The following ERC2 variants were observed in gnomAD, a reference collection of about 807,000 sequenced individuals.
The protein encoded by ERC2 is ERC protein 2.
Under a neutral mutation model 114.8 loss-of-function variants are expected in ERC2, and 42 were observed. That is an observed-to-expected ratio of 0.37 (90% CI 0.29 to 0.47). The LOEUF (loss-of-function observed/expected upper bound fraction) is 0.47, where lower values mean the gene tolerates loss of function less well. ERC2 is among the 20% of genes least tolerant of loss of function. The pLI is 0.99. For synonymous variants in ERC2, 454 were observed against 425.5 expected (o/e 1.07, Z -0.82); for missense variants, 939 against 1,150.7 (o/e 0.82, Z 2.66).
chr3:55,919,570 C>T (rs181945116), intron 13 of ERC2, among the ~76,000 whole-genome samples: 169 of 152,110 alleles, frequency 1.1e-3, no homozygotes, highest in African/African-American at 3.9e-3. Flanking sequence ...TGGAATACAC[C>T]CCCACAACCT....
chr3:55,844,754 T>TA (rs2061279119), intron 14 of ERC2, among the ~76,000 whole-genome samples: 1 of 152,152 alleles, frequency 6.6e-6, no homozygotes, highest in Non-Finnish European at 1.5e-5. Context: ...AACACCAAAA[T>TA]AAAAGTGTGA....
chr3:55,757,648 A>G (rs1392024604), intron 14 of ERC2, among the ~76,000 whole-genome samples: 1 of 152,170 alleles, frequency 6.6e-6, no homozygotes, highest in African/African-American at 2.4e-5. Flanking sequence ...TAAAGAGCTT[A>G]ACACAGTGCT....
intron 7 of ERC2, among the ~76,000 whole-genome samples, chr3:56,068,509 GA>G: frequency 6.6e-6 from 1 of 151,920 alleles, no homozygotes; most frequent in South Asian, 2.1e-4. Flanking sequence ...CTGGATTCAT[GA>G]TTTTTTTGAA....
chr3:56,297,278 G>A (rs1229651737), intron 2 of ERC2, among the ~76,000 whole-genome samples: 2 of 151,938 alleles, frequency 1.3e-5, no homozygotes, highest in African/African-American at 4.8e-5. Flanking sequence ...TAAGCTACAT[G>A]GAGTTTATAG....
intron 7 of ERC2, among the ~76,000 whole-genome samples, chr3:56,054,253 C>T (rs2149691805): frequency 6.6e-6 from 1 of 152,266 alleles, no homozygotes; most frequent in South Asian, 2.1e-4. Context: ...GGACTGTGCC[C>T]ACACATGGGC....
Position 56,017,884 on chromosome 3 carries a change from A to T in ERC2, c.1779+1010T>A, listed in dbSNP as rs532091013. Among the ~76,000 whole-genome samples the T allele has an allele frequency of 3.3e-5, 5 of 152,194 alleles. No homozygotes were observed. In the South Asian group the frequency reaches 1.0e-3, roughly 32 times the overall value. On this transcript the variant is annotated intron_variant, in intron 8 of 17. Coordinates refer to ENST00000288221, the MANE Select transcript of ERC2 (RefSeq NM_015576.3). The stretch of plus-strand genomic sequence containing the variant: ...CTGTCACATGGTGGGGGCTCACTCC[A>T]CCAGTATCCAGTACTGAGTGAGCAT...
intron 12 of ERC2, among the ~76,000 whole-genome samples, chr3:55,968,704 G>A (rs562623240): frequency 8.5e-5 from 13 of 152,134 alleles, no homozygotes; most frequent in Admixed American, 4.6e-4. Flanking sequence ...CTCTATTTCC[G>A]CCCTTTGATA....
At chr3:56,120,912 C>T (rs1422797528) in intron 6 of ERC2, among the ~76,000 whole-genome samples, 1 of 152,106 alleles carries the variant, frequency 6.6e-6, no homozygotes, top group Non-Finnish European at 1.5e-5. Flanking sequence ...ATTTAATAAT[C>T]AGAATATGTT....
intron 3 of ERC2, among the ~76,000 whole-genome samples, chr3:56,185,910 T>A (rs2083572464): frequency 1.3e-5 from 2 of 151,352 alleles, no homozygotes; most frequent in Admixed American, 1.3e-4. Context: ...AGATTCTCAG[T>A]GTGAGAAGGA....
intron 14 of ERC2, among the ~76,000 whole-genome samples, chr3:55,772,028 G>A (rs547225810): frequency 1.1e-4 from 16 of 152,258 alleles, no homozygotes; most frequent in East Asian, 3.9e-4. Context: ...GGGCCTCTCC[G>A]CCCATCAGGA....
At chr3:55,906,447 A>AAG (rs2064453457) in intron 13 of ERC2, among the ~76,000 whole-genome samples, 1 of 150,294 alleles carries the variant, frequency 6.7e-6, no homozygotes, top group East Asian at 2.0e-4. Flanking sequence ...AAAAAAAAAA[A>AAG]AAAAAAGTAG....
At chr3:56,437,959 G>C (rs1275169845) in intron 1 of ERC2, among the ~76,000 whole-genome samples, 1 of 152,180 alleles carries the variant, frequency 6.6e-6, no homozygotes, top group Non-Finnish European at 1.5e-5. Context: ...AAGAAGGCTG[G>C]AATGACACAC....
chr3:56,244,559 C>T lies in ERC2; in HGVS notation c.1074+51460G>A, dbSNP rs2051550299. ...CAACAGTGATGTTGATGATCCTGATCATGTGCAGGCCTGGACTAATGTGTG... is the reference window on the plus strand; with the variant it reads ...CAACAGTGATGTTGATGATCCTGATTATGTGCAGGCCTGGACTAATGTGTG... On this transcript the variant is annotated intron_variant, in intron 3 of 17. Transcript: ENST00000288221. Among the ~76,000 whole-genome samples the T allele has an allele frequency of 2.0e-5, 3 of 151,890 alleles. No individual in the cohort carries two copies. The South Asian group carries it at 6.2e-4, about 32-fold the overall frequency.
At chr3:55,957,664 G>A (rs2068053783) in intron 12 of ERC2, among the ~76,000 whole-genome samples, 1 of 152,214 alleles carries the variant, frequency 6.6e-6, no homozygotes, top group Non-Finnish European at 1.5e-5. Context: ...GGAGTGATGA[G>A]GGGTGTGTGA....
intron 13 of ERC2, among the ~76,000 whole-genome samples, chr3:55,919,571 C>T (rs1044536376): frequency 6.6e-6 from 1 of 152,084 alleles, no homozygotes; most frequent in African/African-American, 2.4e-5. Context: ...GGAATACACC[C>T]CCACAACCTC....
At chr3:55,675,903 C>CTTTTTTT (rs869296098) in intron 17 of ERC2, among the ~76,000 whole-genome samples, 681 of 47,878 alleles carry the variant, frequency 0.014, 108 homozygotes, top group Non-Finnish European at 0.017. Flanking sequence ...TCTTTTCTTT[C>CTTTTTTT]TTTTTTTTTT....
intron 14 of ERC2, among the ~76,000 whole-genome samples, chr3:55,761,411 T>G (rs967020000): frequency 4.8e-5 from 7 of 147,110 alleles, no homozygotes; most frequent in African/African-American, 7.6e-5. Flanking sequence ...GTTTATCTGG[T>G]TTTTTTTTTT....
chr3:55,906,716 C>T (rs963757098), intron 13 of ERC2, among the ~76,000 whole-genome samples: 2 of 152,142 alleles, frequency 1.3e-5, no homozygotes, highest in Non-Finnish European at 1.5e-5. Flanking sequence ...TGCCTGTAAT[C>T]GGGAAAGGAA....
rs543786244 is a variant in ERC2 at position 55,835,518 on chromosome 3, T to C, written c.2564+52871A>G. ...GACAAAAACCACATGATTATCTCAA[T>C]AGATGCAGAAAAGGCCTTTGACAAA... On this transcript the variant is annotated intron_variant, in intron 14 of 17. Coordinates refer to ENST00000288221, the MANE Select transcript of ERC2 (RefSeq NM_015576.3). 8.7e-3 allele frequency among the ~76,000 whole-genome samples: 1,318 copies of C among 152,252 alleles called. 24 individuals are homozygous for C. Among genetic ancestry groups the C allele is most frequent in the African/African-American group, 0.03 (1,260 of 41,532 alleles).
Sources: gnomAD v4.1 joint callset for allele counts (sites outside exome capture counted in the v4.1 genomes callset) on GRCh38, gnomAD v4.1.1 for gene constraint, MANE v1.5 for transcripts, NCBI Gene and HGNC (gene_info 2026-07-23, HGNC 2026-07-21) for gene names.